Variants in CHN2 observed in about 807,000 individuals in gnomAD.
CHN2 encodes chimerin 2, also known as beta-chimaerin.
A neutral mutation model predicts 56.3 loss-of-function variants in CHN2; 35 were observed. The observed-to-expected ratio is 0.62, with a 90% CI of 0.47 to 0.82. The LOEUF (loss-of-function observed/expected upper bound fraction) is 0.82. Ranked by LOEUF, CHN2 falls within the 40% of genes least tolerant of loss-of-function variation. CHN2 has a pLI of 0.00. For synonymous variants in CHN2, 210 were observed against 212.8 expected (o/e 0.99, Z 0.12); for missense variants, 491 against 580.5 (o/e 0.85, Z 1.58).
At chr7:29,367,627 G>T (rs1172971461) in intron 2 of CHN2, among the ~76,000 whole-genome samples, 2 of 151,982 alleles carry the variant, frequency 1.3e-5, no homozygotes, top group East Asian at 3.9e-4. Context: ...ATAGTCAAAA[G>T]AATTTTAGCC....
chr7:29,475,524 C>T (rs1417407169), intron 6 of CHN2, among the ~76,000 whole-genome samples: 1 of 152,070 alleles, frequency 6.6e-6, no homozygotes, highest in East Asian at 1.9e-4. Context: ...AGTGTATACC[C>T]AAAAGAATTG....
chr7:29,429,434 G>T (rs1391134238), intron 6 of CHN2, among the ~76,000 whole-genome samples: 1 of 152,172 alleles, frequency 6.6e-6, no homozygotes, highest in Non-Finnish European at 1.5e-5. Flanking sequence ...AGACTCTTTT[G>T]TTTGTTTTGT....
Position 29,336,759 on chromosome 7 carries a change from C to CAAAAAAAAA in CHN2, c.50-17844_50-17836dup, listed in dbSNP as rs5883205. Among the ~76,000 whole-genome samples, 33 of 68,578 alleles carry CAAAAAAAAA rather than the reference C, an allele frequency of 4.8e-4. 1 individual carries two copies. Among genetic ancestry groups the CAAAAAAAAA allele is most frequent in the African/African-American group, 2.1e-3 (33 of 15,528 alleles). The allele number at this position is 68,578 out of a possible 152,430, so 45.0% of individuals were successfully genotyped here. A position where few individuals can be genotyped will look rare whatever the true frequency, so the allele number is the denominator to read the frequency against. On this transcript the variant is annotated intron_variant, in intron 1 of 12. Transcript: ENST00000222792. ...TGAGTAACAGAGCAAGATTCTGTCT[C>CAAAAAAAAA]AAAAAAAAAAAAAAAAAAAAAAAAA...
chr7:29,376,379 C>T (rs1253973810), intron 3 of CHN2: 1 of 152,192 alleles, frequency 6.6e-6, no homozygotes, highest in African/African-American at 2.4e-5. Flanking sequence ...GGCCAGATTC[C>T]AACCCAGATA....
intron 6 of CHN2, among the ~76,000 whole-genome samples, chr7:29,448,587 C>T (rs941193688): frequency 6.6e-6 from 1 of 152,196 alleles, no homozygotes; most frequent in African/African-American, 2.4e-5. Flanking sequence ...CTACCCACTT[C>T]CCTTACTTTC....
chr7:29,352,986 A>G (rs142282196), intron 1 of CHN2, among the ~76,000 whole-genome samples: 1,669 of 152,320 alleles, frequency 0.011, 12 homozygotes, highest in Non-Finnish European at 0.015. Flanking sequence ...TTACTTTGAC[A>G]AAAATATTCA....
intron 1 of CHN2, among the ~76,000 whole-genome samples, chr7:29,283,782 C>A (rs137902750): frequency 0.022 from 3,272 of 151,452 alleles, 122 homozygotes; most frequent in African/African-American, 0.075. Flanking sequence ...CCATGCCTGC[C>A]TAATTTTTGT....
intron 2 of CHN2, among the ~76,000 whole-genome samples, chr7:29,180,160 A>G (rs1177333696): frequency 6.6e-6 from 1 of 152,228 alleles, no homozygotes; most frequent in East Asian, 1.9e-4. Context: ...AAAGGAAAAT[A>G]TTTCACATCA....
At chr7:29,478,295 G>A (rs141405969) in intron 6 of CHN2, among the ~76,000 whole-genome samples, 2 of 152,276 alleles carry the variant, frequency 1.3e-5, no homozygotes, top group African/African-American at 4.8e-5. Context: ...GGGGAGTGTA[G>A]GGAAATAGGA....
At chr7:29,273,371 A>ATATGTGTG (rs1167197865) in intron 1 of CHN2, among the ~76,000 whole-genome samples, 1 of 48,656 alleles carries the variant, frequency 2.1e-5, no homozygotes, top group Non-Finnish European at 3.7e-5. Context: ...ATATATATAT[A>ATATGTGTG]TATATATATA....
At chr7:29,463,725 G>T (rs1013981938) in intron 6 of CHN2, among the ~76,000 whole-genome samples, 2 of 152,188 alleles carry the variant, frequency 1.3e-5, no homozygotes, top group Non-Finnish European at 2.9e-5. Flanking sequence ...AATGTGGAAT[G>T]CTGGGATTCA....
intron 2 of CHN2, among the ~76,000 whole-genome samples, chr7:29,364,071 A>G (rs1013883137): frequency 1.3e-4 from 20 of 152,208 alleles, no homozygotes; most frequent in African/African-American, 1.9e-4. Flanking sequence ...TGTTAGCTCT[A>G]TGTCCTGGAG....
chr7:29,499,441 T>A (rs1789695797), intron 8 of CHN2, among the ~76,000 whole-genome samples: 4 of 152,194 alleles, frequency 2.6e-5, no homozygotes, highest in African/African-American at 9.6e-5. Flanking sequence ...TAACTCTGCC[T>A]CCCACACAAG....
At chr7:29,268,322 A>ACACACACACACACACACAC (rs59299983) in intron 1 of CHN2, among the ~76,000 whole-genome samples, 32 of 150,988 alleles carry the variant, frequency 2.1e-4, no homozygotes, top group South Asian at 8.4e-4. Flanking sequence ...ACACACACAC[A>ACACACACACACACACACAC]ATGTCCTTCA....
intron 1 of CHN2, among the ~76,000 whole-genome samples, chr7:29,282,783 A>G (rs936330169): frequency 3.3e-5 from 5 of 152,250 alleles, no homozygotes; most frequent in African/African-American, 4.8e-5. Context: ...AACAAATGCC[A>G]TGAAGATCAC....
intron 1 of CHN2, among the ~76,000 whole-genome samples, chr7:29,277,456 C>A (rs1407903076): frequency 6.6e-6 from 1 of 152,202 alleles, no homozygotes; most frequent in Non-Finnish European, 1.5e-5. Context: ...CCCACAAATG[C>A]TCCACAGCCC....
At chr7:29,198,603 A>C (rs900463851) in intron 1 of CHN2, among the ~76,000 whole-genome samples, 13 of 152,182 alleles carry the variant, frequency 8.5e-5, no homozygotes, top group African/African-American at 3.1e-4. Context: ...GATTACCTTT[A>C]TTATTTTAAA....
At chr7:29,274,886 G>C (rs1294234442) in intron 1 of CHN2, among the ~76,000 whole-genome samples, 1 of 152,212 alleles carries the variant, frequency 6.6e-6, no homozygotes, top group Non-Finnish European at 1.5e-5. Context: ...CAATCATGGA[G>C]TGTTACAGTG....
chr7:29,166,692 A>G (rs1472290956), intron 2 of CHN2, among the ~76,000 whole-genome samples: 1 of 152,052 alleles, frequency 6.6e-6, no homozygotes. Context: ...AGTATCTACA[A>G]CTGTATTGGT....
Sources: gnomAD v4.1 joint callset for allele counts (sites outside exome capture counted in the v4.1 genomes callset) on GRCh38, gnomAD v4.1.1 for gene constraint, MANE v1.5 for transcripts, NCBI Gene and HGNC (gene_info 2026-07-23, HGNC 2026-07-21) for gene names.